The following TXNDC17 variants were observed in gnomAD, a reference collection of about 807,000 sequenced individuals.
The protein encoded by TXNDC17 is thioredoxin domain containing 17.
TXNDC17 carries 12 observed loss-of-function variants against 16.3 expected under a neutral mutation model. The ratio of observed to expected loss-of-function variants is 0.74; its 90% confidence interval spans 0.47 to 1.19. The LOEUF is 1.19. Ranked by LOEUF, TXNDC17 falls within the 50% of genes most tolerant of loss-of-function variation. The pLI is 0.00. For synonymous variants in TXNDC17, 62 were observed against 55.0 expected (o/e 1.13, Z -0.56); for missense variants, 158 against 149.7 (o/e 1.06, Z -0.29).
chr17:6,643,201 TAAGATATA>T lies in TXNDC17; in HGVS notation c.*187_*194del. On this transcript the variant is annotated 3_prime_UTR_variant, in exon 4 of 4. Coordinates refer to ENST00000250101, the MANE Select transcript of TXNDC17 (RefSeq NM_032731.4). Reference sequence around the variant, plus strand: ...TTTGCCTGTAATACATGGATATTTTTAAGATATAAAGAAGTCTTCAGAAATAGCAGTAA... The same window carrying T: ...TTTGCCTGTAATACATGGATATTTTTAAGAAGTCTTCAGAAATAGCAGTAA... 3 of 541,694 alleles carry T rather than the reference TAAGATATA, an allele frequency of 5.5e-6. No homozygotes were observed. Among genetic ancestry groups the T allele is most frequent in the Non-Finnish European group, 9.8e-6 (3 of 306,804 alleles). 33.6% of individuals were successfully genotyped at this position (541,694 alleles called of 1,614,324 possible).
rs773054145 is a variant in TXNDC17 at position 6,643,028 on chromosome 17, G to A, written c.*9G>A. ...TGTTCTCTGAAGATTAAGATTTTAG[G>A]ATGGCAATCATGTCTTGATGTCCTG... On this transcript the variant is annotated 3_prime_UTR_variant, in exon 4 of 4. Transcript: ENST00000250101. 6.2e-7 allele frequency: 1 copy of A among 1,612,654 alleles called. No individual in the cohort carries two copies. Among genetic ancestry groups the A allele is most frequent in the Non-Finnish European group, 8.5e-7 (1 of 1,178,888 alleles).
At chr17:6,642,120 G>T in intron 2 of TXNDC17, 129 bp from the exon 3 acceptor site, 1 of 703,602 alleles carries the variant, frequency 1.4e-6, no homozygotes, top group Non-Finnish European at 2.4e-6. Flanking sequence ...GCCATAGTCC[G>T]CAAGGTTTTT....
rs534806297 is a variant in TXNDC17 at position 6,642,707 on chromosome 17, T to G, written c.304-244T>G. On this transcript the variant is annotated intron_variant, in intron 3 of 3. Transcript: ENST00000250101. ...GAAGAAGAGGGCACTGGGCTTGCTG[T>G]CTCCTGTTTTAGTCTGTGGAGCTTC... 26 of 518,456 alleles carry G rather than the reference T, an allele frequency of 5.0e-5. 1 individual carries two copies. The highest frequency in any genetic ancestry group is 1.0e-3 in the Middle Eastern group (2 of 1,988). The allele number at this position is 518,456 out of a possible 1,614,324, so 32.1% of individuals were successfully genotyped here. A position where few individuals can be genotyped will look rare whatever the true frequency, so the allele number is the denominator to read the frequency against.
chr17:6,644,142 A>G lies in TXNDC17; in HGVS notation c.*1123A>G, dbSNP rs766086558. 5 of 424,086 alleles carry G rather than the reference A, an allele frequency of 1.2e-5. No homozygotes were observed. Among genetic ancestry groups the G allele is most frequent in the African/African-American group, 2.0e-5 (1 of 48,938 alleles). The allele number at this position is 424,086 out of a possible 1,614,324, so 26.3% of individuals were successfully genotyped here. ...TCAGGAACAGCTAGCCTTAGAATTCAGTATACTTGGTGGCCCACCCCTACC... is the reference window on the plus strand; with the variant it reads ...TCAGGAACAGCTAGCCTTAGAATTCGGTATACTTGGTGGCCCACCCCTACC... On this transcript the variant is annotated 3_prime_UTR_variant, in exon 4 of 4. Coordinates refer to ENST00000250101, the MANE Select transcript of TXNDC17 (RefSeq NM_032731.4).
Position 6,641,118 on chromosome 17 carries a change from C to T in TXNDC17, c.36C>T (p.Phe12=). Residue 12 remains phenylalanine, a synonymous_variant, in exon 1 of 4, where the codon TTC becomes TTT. Coordinates refer to ENST00000250101, the MANE Select transcript of TXNDC17 (RefSeq NM_032731.4). ...ARYEEVSVSG[F]EEFHRAVEQH... ...ATGAGGAGGTGAGCGTGTCCGGCTT[C>T]GAGGAGTTCCACCGGGCCGTGGAAC... 1 of 1,613,504 alleles carries T rather than the reference C, an allele frequency of 6.2e-7. No homozygotes were observed. The highest frequency in any genetic ancestry group is 8.5e-7 in the Non-Finnish European group (1 of 1,179,948).
chr17:6,642,910 T>G, intron 3 of TXNDC17, 41 bp from the exon 4 acceptor site: 1 of 1,495,778 alleles, frequency 6.7e-7, no homozygotes, highest in Non-Finnish European at 9.3e-7. Context: ...CTAATAACGT[T>G]TTATAGAAGT....
At chr17:6,642,398 G>A (rs775333267) in intron 3 of TXNDC17, 74 bp downstream of exon 3, 89 of 1,064,540 alleles carry the variant, frequency 8.4e-5, no homozygotes, top group Non-Finnish European at 1.2e-4. Context: ...ATCCAGATTT[G>A]AAAAGATCTT....
Position 6,643,242 on chromosome 17 carries a change from A to G in TXNDC17, c.*223A>G, listed in dbSNP as rs1240880917. ...CTTCAGAAATAGCAGTAAAGGCTCA[A>G]AGGAACGTATTCTTGAAGGTGACGG... is the stretch of plus-strand genomic sequence containing the variant. On this transcript the variant is annotated 3_prime_UTR_variant, in exon 4 of 4. Coordinates refer to ENST00000250101, the MANE Select transcript of TXNDC17 (RefSeq NM_032731.4). The G allele has an allele frequency of 4.4e-6, 2 of 450,196 alleles. No homozygotes were observed. Among genetic ancestry groups the G allele is most frequent in the East Asian group, 3.7e-5 (1 of 27,014 alleles). The allele number at this position is 450,196 out of a possible 1,614,324, so 27.9% of individuals were successfully genotyped here.
chr17:6,643,097 T>C lies in TXNDC17; in HGVS notation c.*78T>C. ...AAACTGTATACTTGCTTTGAATTCA[T>C]GTTAGCAATAAATGATGTTAAAAAA... On this transcript the variant is annotated 3_prime_UTR_variant, in exon 4 of 4. Coordinates refer to ENST00000250101, the MANE Select transcript of TXNDC17 (RefSeq NM_032731.4). The C allele has an allele frequency of 7.7e-7, 1 of 1,291,100 alleles. No homozygotes were observed. The highest frequency in any genetic ancestry group is 1.1e-6 in the Non-Finnish European group (1 of 893,288). 80.0% of individuals were successfully genotyped at this position (1,291,100 alleles called of 1,614,324 possible). A position where few individuals can be genotyped will look rare whatever the true frequency, so the allele number is the denominator to read the frequency against.
In TXNDC17 at chr17:6,641,156, A is replaced by G; in HGVS notation, c.74A>G (p.Lys25Arg). ...CGGGCCGTGGAACAGCACAATGGCA[A>G]GACCATTTTCGCCTACTTTACGGGT... The part of the protein sequence containing the change: ...FHRAVEQHNG[K>R]TIFAYFTGSK... Residue 25 changes from lysine to arginine, a missense_variant, in exon 1 of 4, where the codon AAG becomes AGG. By Grantham distance (26) the Lys-to-Arg change is conservative (BLOSUM62 2). Transcript: ENST00000250101. 1 of 1,613,852 alleles carries G rather than the reference A, an allele frequency of 6.2e-7. No homozygotes were observed.
Position 6,641,192 on chromosome 17 carries a change from C to G in TXNDC17, c.110C>G (p.Ala37Gly), listed in dbSNP as rs1364517363. Residue 37 changes from alanine to glycine, a missense_variant, in exon 1 of 4, where the codon GCC (alanine) becomes GGC (glycine). By Grantham distance (60) the Ala-to-Gly change is moderately conservative. Coordinates refer to ENST00000250101, the MANE Select transcript of TXNDC17 (RefSeq NM_032731.4). ...IFAYFTGSKD[A>G]GGKSWCPDCV... ...GCCTACTTTACGGGTTCTAAGGACG[C>G]CGGGGGGAAAAGCTGGTGCCCCGAC... The G allele has an allele frequency of 1.1e-5, 18 of 1,613,508 alleles. No individual in the cohort carries two copies. The highest frequency in any genetic ancestry group is 1.4e-5 in the Non-Finnish European group (17 of 1,180,008).
Position 6,644,317 on chromosome 17 carries a change from C to A in TXNDC17, c.*1298C>A. 1 of 800,094 alleles carries A rather than the reference C, an allele frequency of 1.2e-6. No homozygotes were observed. The highest frequency in any genetic ancestry group is 1.8e-6 in the Non-Finnish European group (1 of 556,814). 49.6% of individuals were successfully genotyped at this position (800,094 alleles called of 1,614,324 possible). On this transcript the variant is annotated 3_prime_UTR_variant, in exon 4 of 4. Transcript: ENST00000250101. ...AGGTTTAACAGAAATAGTCTATTAACAATAAAAAGTTGGATGAAAAAGCAC... is the reference window on the plus strand; with the variant it reads ...AGGTTTAACAGAAATAGTCTATTAAAAATAAAAAGTTGGATGAAAAAGCAC...
At position 6,641,765 on chromosome 17, in the gene TXNDC17, T is replaced by TA. The variant is rs1214340328; in HGVS notation, c.159dup (p.Arg54ThrfsTer8). On this transcript the variant is annotated frameshift_variant, in exon 2 of 4. Coordinates refer to ENST00000250101, the MANE Select transcript of TXNDC17 (RefSeq NM_032731.4). LOFTEE classifies it high-confidence loss of function. Reference sequence around the variant, plus strand: ...ACTTTTTTTAAAGCTGAACCAGTCGTACGAGAGGGGCTGAAGCACATTAGT... The same window carrying TA: ...ACTTTTTTTAAAGCTGAACCAGTCGTAACGAGAGGGGCTGAAGCACATTAGT... 1.2e-6 allele frequency: 2 copies of TA among 1,614,026 alleles called. No individual in the cohort carries two copies. The highest frequency in any genetic ancestry group is 2.7e-5 in the African/African-American group (2 of 74,898).
chr17:6,644,515 C>T lies in TXNDC17; in HGVS notation c.*1496C>T. On this transcript the variant is annotated 3_prime_UTR_variant, in exon 4 of 4. Coordinates refer to ENST00000250101, the MANE Select transcript of TXNDC17 (RefSeq NM_032731.4). The stretch of plus-strand genomic sequence containing the variant: ...GCTGTTGCTGCTCTGCCAAGGCTTG[C>T]TGAAGGCGCATCCGCTTCCGGGAAT... 1 of 1,610,172 alleles carries T rather than the reference C, an allele frequency of 6.2e-7. No individual in the cohort carries two copies.
rs750394330 is a variant in TXNDC17 at position 6,641,197 on chromosome 17, G to T, written c.115G>T (p.Gly39Trp). Residue 39 changes from glycine to tryptophan, a missense_variant, in exon 1 of 4, where the codon GGG becomes TGG. Coordinates refer to ENST00000250101, the MANE Select transcript of TXNDC17 (RefSeq NM_032731.4). ...AYFTGSKDAGGKSWCPDCVQA... is the reference protein window; with the variant it reads ...AYFTGSKDAGWKSWCPDCVQA... ...CTTTACGGGTTCTAAGGACGCCGGG[G>T]GGAAAAGCTGGTGCCCCGACTGCGT... The T allele has an allele frequency of 6.2e-7, 1 of 1,613,510 alleles. No individual in the cohort carries two copies. Among genetic ancestry groups the T allele is most frequent in the Non-Finnish European group, 8.5e-7 (1 of 1,180,028 alleles).
chr17:6,641,257 A>C (rs747229329), intron 1 of TXNDC17, 30 bp downstream of exon 1: 8 of 1,611,522 alleles, frequency 5.0e-6, no homozygotes, highest in Middle Eastern at 1.7e-4. Flanking sequence ...GCTGCTGTCC[A>C]ATGGAAATGG....
intron 1 of TXNDC17, 58 bp from the exon 2 acceptor site, chr17:6,641,695 T>A (rs756618768): frequency 2.1e-4 from 330 of 1,537,260 alleles, no homozygotes; most frequent in Non-Finnish European, 2.7e-4. Flanking sequence ...GAACACAGTT[T>A]ATACGTGCCT....
In TXNDC17 at chr17:6,642,437, C is replaced by CA. The variant is rs1972699533; in HGVS notation, c.303+114dup. 7 of 745,138 alleles carry CA rather than the reference C, an allele frequency of 9.4e-6. No homozygotes were observed. In the East Asian group the frequency reaches 1.9e-4, roughly 20 times the overall value. 46.2% of individuals were successfully genotyped at this position (745,138 alleles called of 1,614,324 possible). A position where few individuals can be genotyped will look rare whatever the true frequency, so the allele number is the denominator to read the frequency against. ...ATTTCATCTCAATTCCATTGTTGTT[C>CA]AGAGTGCTGCTGAAAGTCCATTCCT... On this transcript the variant is annotated intron_variant, in intron 3 of 3. Transcript: ENST00000250101.
At position 6,642,231 on chromosome 17, in the gene TXNDC17, C is replaced by T. The variant is rs1972692751; in HGVS notation, c.228-18C>T. 4.4e-6 allele frequency: 7 copies of T among 1,584,494 alleles called. No individual in the cohort carries two copies. Among genetic ancestry groups the T allele is most frequent in the Admixed American group, 1.8e-5 (1 of 56,850 alleles). ...ACCAAGTAAATTTTTTTCATGATCACTTTTTCTTTTCGAATAGTTGGAAAG... is the reference window on the plus strand; with the variant it reads ...ACCAAGTAAATTTTTTTCATGATCATTTTTTCTTTTCGAATAGTTGGAAAG... On this transcript the variant is annotated intron_variant, in intron 2 of 3. Transcript: ENST00000250101.
Sources: gnomAD v4.1 joint callset for allele counts on GRCh38, gnomAD v4.1.1 for gene constraint, MANE v1.5 for transcripts, NCBI Gene and HGNC (gene_info 2026-07-23, HGNC 2026-07-21) for gene names.